HDAC9: variants seen among roughly 807,000 people sequenced by gnomAD.
HDAC9 encodes the protein MEF-2 interacting transcription repressor (MITR) protein.
Under a neutral mutation model 139.4 loss-of-function variants are expected in HDAC9, and 41 were observed. That is an observed-to-expected ratio of 0.29 (90% CI 0.23 to 0.38). The LOEUF (loss-of-function observed/expected upper bound fraction) is 0.38. Ranked by LOEUF, HDAC9 falls within the 10% of genes least tolerant of loss-of-function variation. The probability of loss-of-function intolerance (pLI) is 1.00; values close to 1 mark genes in which losing one functional copy is unlikely to be tolerated. For synonymous variants in HDAC9, 517 were observed against 476.2 expected (o/e 1.09, Z -1.12); for missense variants, 1,147 against 1,297.0 (o/e 0.88, Z 1.78).
intron 1 of HDAC9, among the ~76,000 whole-genome samples, chr7:18,455,320 C>G (rs1426203084): frequency 6.6e-6 from 1 of 151,534 alleles, no homozygotes; most frequent in Non-Finnish European, 1.5e-5. Context: ...TCCTGTAAAC[C>G]TTTTACTGGA....
At chr7:18,391,414 AAG>A (rs1450089068) in intron 1 of HDAC9, among the ~76,000 whole-genome samples, 4 of 151,928 alleles carry the variant, frequency 2.6e-5, no homozygotes, top group African/African-American at 4.8e-5. Context: ...AGTAAAAAAG[AAG>A]AGAGAACATT....
At chr7:18,252,056 T>C (rs570920805) in intron 2 of HDAC9, among the ~76,000 whole-genome samples, 13 of 152,322 alleles carry the variant, frequency 8.5e-5, no homozygotes, top group African/African-American at 1.9e-4. Flanking sequence ...GTCAGTAAGC[T>C]AGTCTTGAGA....
chr7:18,935,373 TA>T, intron 22 of HDAC9, among the ~76,000 whole-genome samples: 1 of 152,346 alleles, frequency 6.6e-6, no homozygotes, highest in Middle Eastern at 3.4e-3. Flanking sequence ...TTAGATAATG[TA>T]AATTTGTAAT....
chr7:18,435,579 A>C (rs1452754924), intron 1 of HDAC9, among the ~76,000 whole-genome samples: 1 of 152,032 alleles, frequency 6.6e-6, no homozygotes, highest in East Asian at 1.9e-4. Flanking sequence ...TAGTCTACAT[A>C]GCCATTGACT....
intron 1 of HDAC9, among the ~76,000 whole-genome samples, chr7:18,383,386 A>G (rs1370393615): frequency 6.6e-6 from 1 of 152,172 alleles, no homozygotes; most frequent in East Asian, 1.9e-4. Flanking sequence ...GATGAACACT[A>G]TTAGGCTATC....
intron 2 of HDAC9, among the ~76,000 whole-genome samples, chr7:18,530,762 A>G (rs2128235504): frequency 6.7e-6 from 1 of 150,124 alleles, no homozygotes; most frequent in South Asian, 2.1e-4. Context: ...AAAAGTTTTG[A>G]ATGCTTAATT....
chr7:18,947,635 A>C (rs1782497535), intron 23 of HDAC9, among the ~76,000 whole-genome samples: 1 of 151,978 alleles, frequency 6.6e-6, no homozygotes, highest in African/African-American at 2.4e-5. Context: ...AGAAAACACA[A>C]AACCCATATA....
intron 22 of HDAC9, among the ~76,000 whole-genome samples, chr7:18,879,751 G>A (rs1174290688): frequency 6.6e-6 from 1 of 152,030 alleles, no homozygotes; most frequent in Admixed American, 6.6e-5. Flanking sequence ...CATAGGTATT[G>A]GTAAAGATTT....
intron 11 of HDAC9, among the ~76,000 whole-genome samples, chr7:18,660,278 C>T (rs760484057): frequency 6.6e-6 from 1 of 151,792 alleles, no homozygotes; most frequent in Non-Finnish European, 1.5e-5. Context: ...AGATTAACTC[C>T]CTTTCTGCAT....
At chr7:18,314,367 C>G (rs1562868488) in intron 1 of HDAC9, among the ~76,000 whole-genome samples, 1 of 152,080 alleles carries the variant, frequency 6.6e-6, no homozygotes, top group Non-Finnish European at 1.5e-5. Context: ...TGAAAAATCC[C>G]AAGACAGAAA....
intron 12 of HDAC9, among the ~76,000 whole-genome samples, chr7:18,689,674 G>A (rs1429822247): frequency 6.6e-6 from 1 of 151,972 alleles, no homozygotes; most frequent in African/African-American, 2.4e-5. Flanking sequence ...CTAGTGCTTA[G>A]CATGATGGAT....
chr7:18,835,152 T>TA (rs1796143224), intron 19 of HDAC9, among the ~76,000 whole-genome samples: 1 of 152,140 alleles, frequency 6.6e-6, no homozygotes, highest in Admixed American at 6.5e-5. Flanking sequence ...TATAAATATC[T>TA]AATTGTACCA....
intron 1 of HDAC9, among the ~76,000 whole-genome samples, chr7:18,447,718 A>G (rs534055529): frequency 6.6e-6 from 1 of 152,330 alleles, no homozygotes; most frequent in Admixed American, 6.5e-5. Context: ...ACTGTCATAT[A>G]CATCTCAGAA....
chr7:18,600,313 A>G (rs1032648225), intron 6 of HDAC9, among the ~76,000 whole-genome samples: 22 of 152,134 alleles, frequency 1.4e-4, no homozygotes, highest in Admixed American at 1.3e-4. Context: ...TTAAACATCA[A>G]TATTTCCTTT....
At chr7:18,164,374 T>A (rs889019656) in intron 2 of HDAC9, among the ~76,000 whole-genome samples, 1 of 152,204 alleles carries the variant, frequency 6.6e-6, no homozygotes, top group Admixed American at 6.5e-5. Context: ...ATAACCTGAT[T>A]GTTTGATTTA....
intron 17 of HDAC9, among the ~76,000 whole-genome samples, chr7:18,805,325 G>C (rs1441064691): frequency 6.6e-6 from 1 of 152,148 alleles, no homozygotes; most frequent in Non-Finnish European, 1.5e-5. Flanking sequence ...GGGGTAGGAC[G>C]TTCACTAGAA....
chr7:18,938,610 TAAA>T (rs796387357), intron 23 of HDAC9, among the ~76,000 whole-genome samples: 3 of 151,162 alleles, frequency 2.0e-5, no homozygotes, highest in African/African-American at 7.3e-5. Context: ...AAAATAATAA[TAAA>T]AAAAAATCTC....
chr7:18,263,322 T>A (rs905369775), intron 2 of HDAC9, among the ~76,000 whole-genome samples: 6 of 152,186 alleles, frequency 3.9e-5, no homozygotes, highest in Admixed American at 3.9e-4. Context: ...ATATACCAAT[T>A]TTCTCATAAT....
chr7:18,380,430 T>C (rs1785330076), intron 1 of HDAC9, among the ~76,000 whole-genome samples: 1 of 152,212 alleles, frequency 6.6e-6, no homozygotes, highest in Non-Finnish European at 1.5e-5. Context: ...TATTGCAGTT[T>C]GGTTATTAAG....
Sources: allele counts gnomAD v4.1 joint callset (sites outside exome capture counted in the v4.1 genomes callset), GRCh38; gene constraint gnomAD v4.1.1; transcripts MANE v1.5; gene names NCBI Gene and HGNC (gene_info 2026-07-23, HGNC 2026-07-21).